Variants in SGCZ observed in about 807,000 individuals in gnomAD.
SGCZ encodes sarcoglycan zeta.
Under a neutral mutation model 41.3 loss-of-function variants are expected in SGCZ, and 40 were observed. The ratio of observed to expected loss-of-function variants is 0.97; its 90% CI spans 0.75 to 1.26. The LOEUF (loss-of-function observed/expected upper bound fraction) is 1.26. SGCZ is among the 50% of genes most tolerant of loss of function. The pLI, the probability that SGCZ is intolerant of heterozygous loss-of-function variation, is 0.00. For synonymous variants in SGCZ, 206 were observed against 137.5 expected (o/e 1.50, Z -3.49); for missense variants, 552 against 369.8 (o/e 1.49, Z -4.04).
intron 1 of SGCZ, among the ~76,000 whole-genome samples, chr8:15,017,486 C>G (rs1803081659): frequency 6.6e-6 from 1 of 152,070 alleles, no homozygotes; most frequent in Admixed American, 6.6e-5. Context: ...TACCATAGGT[C>G]CAAACTGATA....
chr8:14,710,864 G>A (rs1326317981), intron 1 of SGCZ, among the ~76,000 whole-genome samples: 2 of 152,056 alleles, frequency 1.3e-5, no homozygotes, highest in African/African-American at 4.8e-5. Flanking sequence ...TTAATTCAGA[G>A]ATGTTTTGTA....
intron 1 of SGCZ, among the ~76,000 whole-genome samples, chr8:14,899,462 T>C (rs1311213267): frequency 6.6e-6 from 1 of 152,124 alleles, no homozygotes; most frequent in African/African-American, 2.4e-5. Flanking sequence ...AGAATGTGAT[T>C]TAGAGAAGGT....
At chr8:15,064,165 C>T (rs1450928801) in intron 1 of SGCZ, among the ~76,000 whole-genome samples, 1 of 152,088 alleles carries the variant, frequency 6.6e-6, no homozygotes. Context: ...TGACATGACC[C>T]ATACTGTACT....
intron 1 of SGCZ, among the ~76,000 whole-genome samples, chr8:14,925,851 C>T (rs369142320): frequency 1.4e-5 from 2 of 140,120 alleles, no homozygotes; most frequent in East Asian, 2.0e-4. Flanking sequence ...AGAAGGGATA[C>T]CTTGGGAATT....
chr8:14,407,603 G>A (rs552940749), intron 2 of SGCZ, among the ~76,000 whole-genome samples: 19 of 152,078 alleles, frequency 1.2e-4, no homozygotes, highest in Non-Finnish European at 2.6e-4. Context: ...ATAGGTATAT[G>A]ATATAAAAAT....
In SGCZ at chr8:14,439,478, C is replaced by A. The variant is rs1585514889; in HGVS notation, c.234+115254G>T. 5.3e-5 allele frequency among the ~76,000 whole-genome samples: 8 copies of A among 151,514 alleles called. No homozygotes were observed. In the South Asian group the frequency reaches 1.7e-3, roughly 32 times the overall value. On this transcript the variant is annotated intron_variant, in intron 2 of 7. Coordinates refer to ENST00000382080, the MANE Select transcript of SGCZ (RefSeq NM_139167.4). ...ATGCCAAAATCAGACCAAGACAGTA[C>A]AAAAACAGAAAACACATATCAATAT... is the stretch of plus-strand genomic sequence containing the variant.
intron 1 of SGCZ, among the ~76,000 whole-genome samples, chr8:14,803,319 G>T (rs1014683293): frequency 6.6e-6 from 1 of 152,090 alleles, no homozygotes; most frequent in Non-Finnish European, 1.5e-5. Context: ...TGAGGTACCG[G>T]ATTCATCTCA....
chr8:14,797,277 C>T (rs1466918922), intron 1 of SGCZ, among the ~76,000 whole-genome samples: 2 of 151,858 alleles, frequency 1.3e-5, no homozygotes, highest in Non-Finnish European at 2.9e-5. Flanking sequence ...TTCCTAGAGA[C>T]TTGTTGAATG....
intron 1 of SGCZ, among the ~76,000 whole-genome samples, chr8:15,227,513 G>C (rs1243090900): frequency 6.6e-6 from 1 of 152,100 alleles, no homozygotes; most frequent in African/African-American, 2.4e-5. Context: ...AACAACATCA[G>C]TTAAGTCAAA....
chr8:14,496,038 G>T (rs1801977564), intron 2 of SGCZ, among the ~76,000 whole-genome samples: 1 of 152,034 alleles, frequency 6.6e-6, no homozygotes, highest in Non-Finnish European at 1.5e-5. Flanking sequence ...CTGGAAATTG[G>T]AAAGATCGTG....
chr8:14,541,623 AC>A (rs1398743957), intron 2 of SGCZ, among the ~76,000 whole-genome samples: 1 of 152,106 alleles, frequency 6.6e-6, no homozygotes. Context: ...GTAGAATAAT[AC>A]ATAATCCTTT....
chr8:14,732,435 G>C (rs138551251), intron 1 of SGCZ, among the ~76,000 whole-genome samples: 3 of 152,154 alleles, frequency 2.0e-5, no homozygotes, highest in Non-Finnish European at 4.4e-5. Context: ...CAGATGACTG[G>C]TTCTGTATAA....
intron 1 of SGCZ, among the ~76,000 whole-genome samples, chr8:14,823,055 T>TAAAAAAAAAAAAAAAAAAA (rs34307530): frequency 4.0e-5 from 3 of 75,488 alleles, no homozygotes; most frequent in South Asian, 5.8e-4. Flanking sequence ...CCAATCCTCA[T>TAAAAAAAAAAAAAAAAAAA]AAAAAAAAAA....
chr8:14,685,372 C>T (rs940563375), intron 1 of SGCZ, among the ~76,000 whole-genome samples: 1 of 152,018 alleles, frequency 6.6e-6, no homozygotes, highest in Non-Finnish European at 1.5e-5. Context: ...CTAGCTTGAG[C>T]TATTAAGGCA....
At chr8:14,624,559 T>TAA (rs1563161354) in intron 1 of SGCZ, among the ~76,000 whole-genome samples, 1 of 94,446 alleles carries the variant, frequency 1.1e-5, no homozygotes, top group Admixed American at 1.3e-4. Flanking sequence ...ATTATTATTT[T>TAA]TTTTTTTTTT....
intron 2 of SGCZ, among the ~76,000 whole-genome samples, chr8:14,352,182 G>C (rs917485019): frequency 6.6e-6 from 1 of 152,010 alleles, no homozygotes; most frequent in Non-Finnish European, 1.5e-5. Context: ...ACAAAAACTT[G>C]TGTGAAGACT....
chr8:14,537,565 T>A (rs541343125), intron 2 of SGCZ, among the ~76,000 whole-genome samples: 69 of 151,926 alleles, frequency 4.5e-4, no homozygotes, highest in African/African-American at 1.6e-3. Context: ...CTTTTCTTTT[T>A]TTTTCACTTC....
At chr8:14,974,344 T>C (rs1488055164) in intron 1 of SGCZ, among the ~76,000 whole-genome samples, 2 of 152,214 alleles carry the variant, frequency 1.3e-5, no homozygotes, top group Non-Finnish European at 1.5e-5. Context: ...TGTTTCCTGA[T>C]ATGTTTTGAC....
chr8:14,380,857 TCAAA>T (rs1269030226), intron 2 of SGCZ, among the ~76,000 whole-genome samples: 1 of 151,734 alleles, frequency 6.6e-6, no homozygotes, highest in African/African-American at 2.4e-5. Flanking sequence ...AGAGTCTGTC[TCAAA>T]CAAACAAACA....
Sources: allele counts gnomAD v4.1 joint callset (sites outside exome capture counted in the v4.1 genomes callset), GRCh38; gene constraint gnomAD v4.1.1; transcripts MANE v1.5; gene names NCBI Gene and HGNC (gene_info 2026-07-23, HGNC 2026-07-21).